SH2B2: variants seen among roughly 807,000 people sequenced by gnomAD.
SH2B2 encodes SH2B adaptor protein 2.
Under a neutral mutation model 35.7 loss-of-function variants are expected in SH2B2, and 37 were observed. The ratio of observed to expected loss-of-function variants is 1.04; its 90% CI spans 0.80 to 1.36. The LOEUF (loss-of-function observed/expected upper bound fraction) is 1.36, where lower values mean the gene tolerates loss of function less well. Ranked by LOEUF, SH2B2 falls within the 40% of genes most tolerant of loss-of-function variation. The pLI is 0.00. For missense variants in SH2B2, 852 were observed against 817.7 expected (o/e 1.04, Z -0.51); for synonymous variants, 383 against 376.4 (o/e 1.02, Z -0.20).
intron 7 of SH2B2, 49 bp from the exon 8 acceptor site, chr7:102,320,282 G>T (rs559598635): frequency 2.7e-6 from 4 of 1,498,266 alleles, no homozygotes; most frequent in African/African-American, 1.4e-5. Flanking sequence ...CGCTTACCCA[G>T]GTGCCCAGCC....
At chr7:102,308,990 G>A in intron 4 of SH2B2, 84 bp downstream of exon 4, 1 of 1,058,718 alleles carries the variant, frequency 9.4e-7, no homozygotes, top group South Asian at 1.2e-5. Flanking sequence ...CTTCCTAGCA[G>A]GGCGGGAGCT....
At chr7:102,316,794 GGA>G (rs1793845588) in intron 6 of SH2B2, among the ~76,000 whole-genome samples, 2 of 152,100 alleles carry the variant, frequency 1.3e-5, no homozygotes, top group Non-Finnish European at 2.9e-5. Context: ...CGAGGTGGGT[GGA>G]TCATCTGAGG....
At position 102,302,041 on chromosome 7, in the gene SH2B2, G is replaced by A. The variant is rs186488205; in HGVS notation, c.729+762G>A. On this transcript the variant is annotated intron_variant, in intron 2 of 8. Coordinates refer to ENST00000444095, the MANE Select transcript of SH2B2 (RefSeq NM_001359228.2). ...TCCCAGCTAATGTTTTTTATTTTTC[G>A]TAAAGACGGGATCTGACTATGTTGC... is the stretch of plus-strand genomic sequence containing the variant. Among the ~76,000 whole-genome samples the A allele has an allele frequency of 1.2e-4, 18 of 152,204 alleles. No homozygotes were observed. The East Asian group carries it at 3.3e-3, about 28-fold the overall frequency.
At chr7:102,301,319 G>A (rs1793183037) in intron 2 of SH2B2, 40 bp downstream of exon 2, 1 of 1,568,784 alleles carries the variant, frequency 6.4e-7, no homozygotes, top group Non-Finnish European at 8.6e-7. Flanking sequence ...GGGGGGACCA[G>A]AGGAGGCACC....
chr7:102,317,831 A>G (rs1350223334), intron 7 of SH2B2, among the ~76,000 whole-genome samples: 2 of 152,168 alleles, frequency 1.3e-5, no homozygotes, highest in African/African-American at 4.8e-5. Flanking sequence ...GACCTCAGAC[A>G]GCCCCTCTTC....
At chr7:102,313,538 C>T (rs1793705484) in intron 4 of SH2B2, among the ~76,000 whole-genome samples, 1 of 152,220 alleles carries the variant, frequency 6.6e-6, no homozygotes, top group South Asian at 2.1e-4. Flanking sequence ...CCTCCCACCT[C>T]AGCCTCCCAG....
Position 102,300,523 on chromosome 7 carries a change from C to A in SH2B2, c.-28C>A. On this transcript the variant is annotated splice_region_variant and 5_prime_UTR_variant, in exon 2 of 9. Transcript: ENST00000444095. ...ACTGCGCGCTCTTCTCGCCCGAAGC[C>A]GCAGGTGGCTGCGATGGGACGGAAG... The A allele has an allele frequency of 6.5e-7, 1 of 1,532,500 alleles. No homozygotes were observed. Among genetic ancestry groups the A allele is most frequent in the South Asian group, 1.2e-5 (1 of 82,922 alleles). The allele number at this position is 1,532,500 out of a possible 1,614,324, so 94.9% of individuals were successfully genotyped here. A position where few individuals can be genotyped will look rare whatever the true frequency, so the allele number is the denominator to read the frequency against.
chr7:102,309,897 C>T (rs186137856), intron 4 of SH2B2, among the ~76,000 whole-genome samples: 41 of 152,276 alleles, frequency 2.7e-4, no homozygotes, highest in African/African-American at 9.6e-4. Context: ...CCCAGCTACT[C>T]AGGAGGCTGA....
chr7:102,294,649 T>C (rs1191598271), intron 1 of SH2B2, among the ~76,000 whole-genome samples: 2 of 152,162 alleles, frequency 1.3e-5, no homozygotes, highest in African/African-American at 4.8e-5. Context: ...TCCCCAGTTC[T>C]GGTCCCAAAG....
At position 102,321,647 on chromosome 7, in the gene SH2B2, G is replaced by A; in HGVS notation, c.*17G>A. The A allele has an allele frequency of 8.8e-7, 1 of 1,136,254 alleles. No homozygotes were observed. The highest frequency in any genetic ancestry group is 1.1e-6 in the Non-Finnish European group (1 of 924,982). The allele number at this position is 1,136,254 out of a possible 1,614,324, so 70.4% of individuals were successfully genotyped here. ...TTCTACTAGCCCGCGGCGCCGCCCG[G>A]GTGGGACACGCCAAGCTCTTCAGTG... is the stretch of plus-strand genomic sequence containing the variant. On this transcript the variant is annotated 3_prime_UTR_variant, in exon 9 of 9. Transcript: ENST00000444095.
chr7:102,310,581 C>T (rs1438913143), intron 4 of SH2B2, among the ~76,000 whole-genome samples: 1 of 152,192 alleles, frequency 6.6e-6, no homozygotes, highest in African/African-American at 2.4e-5. Context: ...GGCAGCCCGA[C>T]AGGCTGAGCA....
intron 8 of SH2B2, 54 bp downstream of exon 8, chr7:102,320,556 T>C (rs1794017822): frequency 2.5e-6 from 4 of 1,571,848 alleles, no homozygotes; most frequent in Non-Finnish European, 3.5e-6. Flanking sequence ...TCCCGTTGAT[T>C]ACTCAAGAAG....
intron 1 of SH2B2, among the ~76,000 whole-genome samples, chr7:102,288,733 C>T (rs1792555167): frequency 6.6e-6 from 1 of 152,102 alleles, no homozygotes; most frequent in South Asian, 2.1e-4. Context: ...ATCAGGATCG[C>T]CGTTCGTGTC....
intron 4 of SH2B2, among the ~76,000 whole-genome samples, chr7:102,310,930 G>A (rs1793598799): frequency 6.6e-6 from 1 of 152,164 alleles, no homozygotes; most frequent in Admixed American, 6.5e-5. Context: ...CAAGGATAGT[G>A]GGCAGGGATC....
chr7:102,302,693 C>T (rs1413228468), intron 2 of SH2B2, among the ~76,000 whole-genome samples: 1 of 152,250 alleles, frequency 6.6e-6, no homozygotes, highest in Non-Finnish European at 1.5e-5. Flanking sequence ...CAGAAGAGAG[C>T]GCAGACAGAT....
At chr7:102,292,589 T>C (rs949348686) in intron 1 of SH2B2, among the ~76,000 whole-genome samples, 2 of 151,368 alleles carry the variant, frequency 1.3e-5, no homozygotes, top group Non-Finnish European at 2.9e-5. Flanking sequence ...TCCCAGCCAC[T>C]TGGGAGGCTG....
intron 1 of SH2B2, among the ~76,000 whole-genome samples, chr7:102,295,411 AC>A (rs1554552379): frequency 2.0e-5 from 3 of 151,786 alleles, no homozygotes; most frequent in African/African-American, 4.8e-5. Flanking sequence ...CTGTGGCCCC[AC>A]CCCCACCCCA....
At chr7:102,309,612 C>G (rs1459455867) in intron 4 of SH2B2, 6 of 247,084 alleles carry the variant, frequency 2.4e-5, no homozygotes, top group South Asian at 1.8e-4. Flanking sequence ...CCGCCCAACT[C>G]AGCCTCCCGA....
chr7:102,288,310 G>A (rs1479123870), intron 1 of SH2B2, among the ~76,000 whole-genome samples: 1 of 152,066 alleles, frequency 6.6e-6, no homozygotes, highest in Non-Finnish European at 1.5e-5. Context: ...TTTGGGAGAG[G>A]TCTGGTGGTG....
Sources: gnomAD v4.1 joint callset for allele counts (sites outside exome capture counted in the v4.1 genomes callset) on GRCh38, gnomAD v4.1.1 for gene constraint, MANE v1.5 for transcripts, NCBI Gene and HGNC (gene_info 2026-07-23, HGNC 2026-07-21) for gene names.